The following RBM18 variants were observed in gnomAD, a reference collection of about 807,000 sequenced individuals.
RBM18 encodes the protein probable RNA-binding protein 18.
In RBM18, 18 loss-of-function variants were observed where a neutral mutation model predicts 26.4. The ratio of observed to expected loss-of-function variants is 0.68; its 90% CI spans 0.47 to 1.01. The LOEUF is 1.01. RBM18 is among the 50% of genes least tolerant of loss of function. The probability of loss-of-function intolerance (pLI) is 0.00; values close to 1 mark genes in which losing one functional copy is unlikely to be tolerated. For missense variants in RBM18, 180 were observed against 219.2 expected, an observed-to-expected ratio of 0.82 and a Z score of 1.13; for synonymous variants, 74 against 81.1, an observed-to-expected ratio of 0.91 and a Z score of 0.47.
At chr9:122,252,839 A>T (rs867721999) in intron 2 of RBM18, among the ~76,000 whole-genome samples, 6 of 152,304 alleles carry the variant, frequency 3.9e-5, no homozygotes, top group Non-Finnish European at 7.3e-5. Context: ...TCCTCTATTA[A>T]ATTTCTTACT....
chr9:122,243,029 C>T (rs964935377), intron 5 of RBM18, among the ~76,000 whole-genome samples: 3 of 152,140 alleles, frequency 2.0e-5, no homozygotes, highest in Non-Finnish European at 4.4e-5. Flanking sequence ...AGGGTTTCAC[C>T]ATTTTGGCCA....
intron 2 of RBM18, chr9:122,254,441 A>C (rs1831656019): frequency 4.4e-6 from 1 of 227,468 alleles, no homozygotes; most frequent in Admixed American, 6.5e-5. Context: ...ATAGTGAAAA[A>C]AGCCTGAAGG....
In RBM18 at chr9:122,238,960, G is replaced by C. The variant is rs1831370409; in HGVS notation, c.*2924C>G. ...CAGGATTTGTTGAAGAACTAGATAG[G>C]AGCTGGAGAGAAAAAGAGAAAACAG... On this transcript the variant is annotated 3_prime_UTR_variant, in exon 6 of 6. Coordinates refer to ENST00000417201, the MANE Select transcript of RBM18 (RefSeq NM_033117.4). The C allele has an allele frequency of 6.6e-6, 1 of 152,126 alleles. No individual in the cohort carries two copies. The highest frequency in any genetic ancestry group is 2.1e-4 in the South Asian group (1 of 4,826). 9.4% of individuals were successfully genotyped at this position (152,126 alleles called of 1,614,324 possible). A position where few individuals can be genotyped will look rare whatever the true frequency, so the allele number is the denominator to read the frequency against.
chr9:122,260,643 C>T (rs1831777985), intron 2 of RBM18, among the ~76,000 whole-genome samples: 1 of 152,176 alleles, frequency 6.6e-6, no homozygotes, highest in Admixed American at 6.5e-5. Flanking sequence ...TGGGTCCCAT[C>T]AGAGGTTGTC....
intron 2 of RBM18, among the ~76,000 whole-genome samples, chr9:122,253,792 G>A (rs535898158): frequency 6.6e-6 from 1 of 151,256 alleles, no homozygotes; most frequent in African/African-American, 2.4e-5. Context: ...TTGGGAGGCC[G>A]AGGTGGGTGG....
intron 3 of RBM18, 115 bp downstream of exon 3, chr9:122,251,732 A>C (rs1831608665): frequency 1.1e-6 from 1 of 874,228 alleles, no homozygotes; most frequent in Non-Finnish European, 1.8e-6. Context: ...CACACAGATG[A>C]ATCAGACATG....
intron 2 of RBM18, among the ~76,000 whole-genome samples, chr9:122,256,570 T>C (rs1564458311): frequency 6.6e-6 from 1 of 152,216 alleles, no homozygotes; most frequent in Non-Finnish European, 1.5e-5. Flanking sequence ...TTCAGAGGTA[T>C]TGTTTATGCT....
At position 122,257,525 on chromosome 9, in the gene RBM18, C is replaced by T. The variant is rs748297802; in HGVS notation, c.113+3855G>A. 1.9e-4 allele frequency among the ~76,000 whole-genome samples: 29 copies of T among 152,188 alleles called. No homozygotes were observed. The South Asian group carries it at 2.9e-3, about 15-fold the overall frequency. On this transcript the variant is annotated intron_variant, in intron 2 of 5. Coordinates refer to ENST00000417201, the MANE Select transcript of RBM18 (RefSeq NM_033117.4). ...TATTAGAGTGCTAGACAGTCATAAA[C>T]GCATATTCTGTTGGGAGGAGACTGA...
chr9:122,243,933 A>T (rs1477252445), intron 5 of RBM18: 1 of 872,032 alleles, frequency 1.1e-6, no homozygotes, highest in African/African-American at 1.8e-5. Context: ...TACAAATCAT[A>T]AGAAACTAAA....
chr9:122,247,785 G>GTTTTTTTTTTTT (rs34974193), intron 3 of RBM18, among the ~76,000 whole-genome samples, 181 bp from the exon 4 acceptor site: 1 of 132,788 alleles, frequency 7.5e-6, no homozygotes, highest in African/African-American at 2.8e-5. Context: ...TTTTTTTGTT[G>GTTTTTTTTTTTT]TTTTTTTTTT....
At chr9:122,248,020 T>G (rs1831533353) in intron 3 of RBM18, among the ~76,000 whole-genome samples, 1 of 152,108 alleles carries the variant, frequency 6.6e-6, no homozygotes, top group Non-Finnish European at 1.5e-5. Flanking sequence ...TCTCCCAACT[T>G]AATGATCCGC....
At chr9:122,254,217 C>A (rs899677216) in intron 2 of RBM18, 15 of 310,434 alleles carry the variant, frequency 4.8e-5, no homozygotes, top group Non-Finnish European at 4.7e-6. Flanking sequence ...ACACACACAC[C>A]AACAAAAGAT....
intron 2 of RBM18, among the ~76,000 whole-genome samples, chr9:122,256,925 C>T (rs936252867): frequency 6.6e-6 from 1 of 152,122 alleles, no homozygotes; most frequent in Non-Finnish European, 1.5e-5. Context: ...ATATAGTTGA[C>T]AGGAATCAGA....
Position 122,252,168 on chromosome 9 carries a change from G to A in RBM18, c.114-195C>T, listed in dbSNP as rs532221054. ...TTGCCTCTATTTGGTATGGGAACTA[G>A]AATTGTCATGGCTATGCATCTGTCC... On this transcript the variant is annotated intron_variant, in intron 2 of 5. Coordinates refer to ENST00000417201, the MANE Select transcript of RBM18 (RefSeq NM_033117.4). Among the ~76,000 whole-genome samples the A allele has an allele frequency of 4.1e-4, 62 of 152,282 alleles. 1 individual carries two copies. Among genetic ancestry groups the A allele is most frequent in the Admixed American group, 1.0e-3 (16 of 15,294 alleles).
chr9:122,249,795 G>A (rs997036758), intron 3 of RBM18, among the ~76,000 whole-genome samples: 1 of 151,606 alleles, frequency 6.6e-6, no homozygotes, highest in Non-Finnish European at 1.5e-5. Flanking sequence ...TGCTGACCAG[G>A]TGTGGTGGCT....
intron 5 of RBM18, among the ~76,000 whole-genome samples, chr9:122,243,267 C>T (rs1156682130): frequency 2.0e-5 from 3 of 152,182 alleles, no homozygotes; most frequent in Non-Finnish European, 4.4e-5. Flanking sequence ...CCACTGCACT[C>T]GACCTACTTA....
At chr9:122,247,490 T>G (rs760638230) in intron 4 of RBM18, 28 bp downstream of exon 4, 6 of 1,582,874 alleles carry the variant, frequency 3.8e-6, no homozygotes, top group Non-Finnish European at 5.2e-6. Context: ...GGATGAGGCT[T>G]GATGTCTTTC....
At chr9:122,262,762 T>A (rs1485563621) in intron 1 of RBM18, among the ~76,000 whole-genome samples, 1 of 152,094 alleles carries the variant, frequency 6.6e-6, no homozygotes, top group Admixed American at 6.5e-5. Context: ...TTTTGTATTT[T>A]CTTGTAGAGG....
At position 122,238,342 on chromosome 9, in the gene RBM18, TATA is replaced by T. The variant is rs958186614; in HGVS notation, c.*3539_*3541del. On this transcript the variant is annotated 3_prime_UTR_variant, in exon 6 of 6. Coordinates refer to ENST00000417201, the MANE Select transcript of RBM18 (RefSeq NM_033117.4). ...AAAAAGAGACAAAAAAAAATTTAGA[TATA>T]ATGTTGGTTAGCGGTAAGTGCTTTT... 5.3e-5 allele frequency: 8 copies of T among 152,314 alleles called. No homozygotes were observed. The highest frequency in any genetic ancestry group is 3.9e-4 in the East Asian group (2 of 5,192). 9.4% of individuals were successfully genotyped at this position (152,314 alleles called of 1,614,324 possible).
Sources: allele counts gnomAD v4.1 joint callset (sites outside exome capture counted in the v4.1 genomes callset), GRCh38; gene constraint gnomAD v4.1.1; transcripts MANE v1.5; gene names NCBI Gene and HGNC (gene_info 2026-07-23, HGNC 2026-07-21).